CADM2: variants seen among roughly 807,000 people sequenced by gnomAD.
The protein encoded by CADM2 is immunoglobulin superfamily member 4D.
CADM2 carries 12 observed loss-of-function variants against 49.8 expected under a neutral mutation model. That is an observed-to-expected ratio of 0.24 (90% CI 0.15 to 0.39). The LOEUF (loss-of-function observed/expected upper bound fraction) is 0.39, where lower values mean the gene tolerates loss of function less well. Ranked by LOEUF, CADM2 falls within the 10% of genes least tolerant of loss-of-function variation. The probability of loss-of-function intolerance (pLI) is 1.00; values close to 1 mark genes in which losing one functional copy is unlikely to be tolerated. For synonymous variants in CADM2, 214 were observed against 175.4 expected (o/e 1.22, Z -1.74); for missense variants, 378 against 492.3 (o/e 0.77, Z 2.20).
intron 3 of CADM2, among the ~76,000 whole-genome samples, chr3:85,855,615 ATAAAACATATATATATATATATATATT>A (rs1370385083): frequency 8.2e-5 from 4 of 48,756 alleles, no homozygotes; most frequent in Non-Finnish European, 1.5e-4. Flanking sequence ...ATATATATAT[ATAAAACATATATATATATATATATATT>A]TTGAGACGGA....
intron 8 of CADM2, among the ~76,000 whole-genome samples, chr3:86,033,705 A>T (rs563587486): frequency 1.7e-3 from 241 of 142,812 alleles, no homozygotes; most frequent in African/African-American, 4.2e-3. Context: ...TATTTGTTTT[A>T]TATATATATA....
chr3:85,446,016 C>T (rs1026976889), intron 1 of CADM2, among the ~76,000 whole-genome samples: 20 of 151,986 alleles, frequency 1.3e-4, no homozygotes, highest in African/African-American at 4.3e-4. Flanking sequence ...TGATTTCAGG[C>T]GAGGTGTATG....
At chr3:85,391,634 A>G (rs1047844279) in intron 1 of CADM2, among the ~76,000 whole-genome samples, 4 of 152,148 alleles carry the variant, frequency 2.6e-5, no homozygotes, top group African/African-American at 9.6e-5. Context: ...TGATAAGGAT[A>G]CTAAAATTAT....
intron 8 of CADM2, among the ~76,000 whole-genome samples, chr3:85,966,617 A>G (rs911171059): frequency 6.6e-6 from 1 of 151,496 alleles, no homozygotes; most frequent in African/African-American, 2.4e-5. Context: ...TTTGACCTTT[A>G]CAACCATGTA....
chr3:85,878,632 T>C (rs2108376149), intron 3 of CADM2, among the ~76,000 whole-genome samples: 1 of 152,256 alleles, frequency 6.6e-6, no homozygotes, highest in East Asian at 1.9e-4. Context: ...GAAATTATTA[T>C]CACCAGAAAC....
intron 1 of CADM2, among the ~76,000 whole-genome samples, chr3:85,577,921 T>G (rs1031334577): frequency 3.3e-5 from 5 of 152,052 alleles, no homozygotes; most frequent in African/African-American, 1.2e-4. Context: ...AAAATCAGTC[T>G]TGTTTCACTA....
intron 1 of CADM2, among the ~76,000 whole-genome samples, chr3:85,666,910 T>C (rs1450555438): frequency 1.3e-5 from 2 of 152,006 alleles, no homozygotes; most frequent in Non-Finnish European, 2.9e-5. Flanking sequence ...TTTTCCAAGC[T>C]ACCCTGTACA....
intron 1 of CADM2, among the ~76,000 whole-genome samples, chr3:85,200,838 G>A (rs1442055278): frequency 6.6e-6 from 1 of 152,040 alleles, no homozygotes. Context: ...AGTTCCTATA[G>A]CAACTTTTAT....
chr3:86,061,118 A>T (rs1738587397), intron 8 of CADM2, among the ~76,000 whole-genome samples: 1 of 152,124 alleles, frequency 6.6e-6, no homozygotes, highest in Non-Finnish European at 1.5e-5. Context: ...CCAATACCAT[A>T]AAACTACACA....
At chr3:85,394,559 C>CT (rs896670828) in intron 1 of CADM2, among the ~76,000 whole-genome samples, 47 of 151,986 alleles carry the variant, frequency 3.1e-4, no homozygotes, top group Non-Finnish European at 5.1e-4. Flanking sequence ...TAGAGCTGTG[C>CT]TTTTTTTAAA....
At chr3:85,199,333 T>G (rs1191744332) in intron 1 of CADM2, among the ~76,000 whole-genome samples, 1 of 134,428 alleles carries the variant, frequency 7.4e-6, no homozygotes, top group South Asian at 2.3e-4. Context: ...GTAACTCTCT[T>G]TGTGTGTGTG....
At chr3:85,257,236 G>A (rs951172448) in intron 1 of CADM2, among the ~76,000 whole-genome samples, 8 of 152,038 alleles carry the variant, frequency 5.3e-5, no homozygotes, top group Non-Finnish European at 1.2e-4. Flanking sequence ...CCAAGTATAT[G>A]TAAAGCACCA....
intron 1 of CADM2, among the ~76,000 whole-genome samples, chr3:85,097,348 C>T (rs1345271237): frequency 6.6e-6 from 1 of 152,128 alleles, no homozygotes; most frequent in Admixed American, 6.6e-5. Flanking sequence ...TTTATGGCTG[C>T]ATAGTATTCC....
At chr3:85,193,342 T>G (rs567901066) in intron 1 of CADM2, among the ~76,000 whole-genome samples, 9 of 141,158 alleles carry the variant, frequency 6.4e-5, no homozygotes, top group Non-Finnish European at 1.2e-4. Context: ...AAAAAATTTG[T>G]ATCTAAAAAT....
At chr3:85,059,243 A>C (rs1329515550) in intron 1 of CADM2, among the ~76,000 whole-genome samples, 1 of 151,962 alleles carries the variant, frequency 6.6e-6, no homozygotes, top group Non-Finnish European at 1.5e-5. Flanking sequence ...TGTCTCAAAA[A>C]ATAAATAAAT....
In CADM2 at chr3:86,065,621, T is replaced by G; in HGVS notation, c.987T>G (p.Ala329=). 6.2e-7 allele frequency: 1 copy of G among 1,613,220 alleles called. No individual in the cohort carries two copies. The highest frequency in any genetic ancestry group is 8.5e-7 in the Non-Finnish European group (1 of 1,179,680). The change falls in exon 9 of 10, where the codon GCT becomes GCG. Residue 329 remains alanine (A), a synonymous_variant. Coordinates refer to ENST00000383699, the MANE Select transcript of CADM2 (RefSeq NM_001167675.2). ...CTTTTCCAGATCCTAATGCTTTGGC[T>G]GGCCAGAATGGCCCTGACCATGCTC... is the stretch of plus-strand genomic sequence containing the variant. ...VLIVHDPNAL[A]GQNGPDHALI...
rs11920427 is a variant in CADM2 at position 85,428,535 on chromosome 3, C to T, written c.62-297987C>T. Reference sequence around the variant, plus strand: ...TATTAGTAAGGCATATATATACACACACATAAATAAATAATATATATGATA... The same window carrying T: ...TATTAGTAAGGCATATATATACACATACATAAATAAATAATATATATGATA... On this transcript the variant is annotated intron_variant, in intron 1 of 9. Transcript: ENST00000383699. Among the ~76,000 whole-genome samples the T allele has an allele frequency of 2.9e-3, 423 of 144,694 alleles. 2 individuals carry two copies. Among genetic ancestry groups the T allele is most frequent in the African/African-American group, 1.0e-2 (398 of 39,882 alleles). The allele number at this position is 144,694 out of a possible 152,430, so 94.9% of individuals were successfully genotyped here. A position where few individuals can be genotyped will look rare whatever the true frequency, so the allele number is the denominator to read the frequency against.
At chr3:85,578,734 C>T (rs2062713475) in intron 1 of CADM2, among the ~76,000 whole-genome samples, 1 of 152,162 alleles carries the variant, frequency 6.6e-6, no homozygotes. Context: ...ATTTAAATTT[C>T]AATTAAATCA....
chr3:86,043,123 G>A (rs539301764), intron 8 of CADM2, among the ~76,000 whole-genome samples: 70 of 152,104 alleles, frequency 4.6e-4, no homozygotes, highest in African/African-American at 1.5e-3. Context: ...AGCCAATATC[G>A]TACTGAATGG....
Sources: allele counts gnomAD v4.1 joint callset (sites outside exome capture counted in the v4.1 genomes callset), GRCh38; gene constraint gnomAD v4.1.1; transcripts MANE v1.5; gene names NCBI Gene and HGNC (gene_info 2026-07-23, HGNC 2026-07-21).